PC: variants seen among roughly 807,000 people sequenced by gnomAD.
PC encodes pyruvate carboxylase, also known as pyruvate carboxylase, mitochondrial.
PC carries 46 observed loss-of-function variants against 107.8 expected under a neutral mutation model. The ratio of observed to expected loss-of-function variants is 0.43; its 90% CI spans 0.34 to 0.55. The LOEUF (loss-of-function observed/expected upper bound fraction) is 0.55. Among genes scored for constraint, PC ranks in the 20% least tolerant of loss-of-function variants. PC has a pLI of 0.04. For missense variants in PC, 1,241 were observed against 1,643.1 expected (o/e 0.76, Z 4.23); for synonymous variants, 662 against 684.7 (o/e 0.97, Z 0.52).
Position 66,858,311 on chromosome 11 carries a change from C to T in PC, c.1369-4928G>A, listed in dbSNP as rs745619279. 14 of 1,609,546 alleles carry T rather than the reference C, an allele frequency of 8.7e-6. No individual in the cohort carries two copies. Among genetic ancestry groups the T allele is most frequent in the Middle Eastern group, 1.6e-4 (1 of 6,084 alleles). On this transcript the variant is annotated intron_variant, in intron 12 of 22. Transcript: ENST00000393960. The surrounding 1 kb of genome is among the most constrained non-coding windows in gnomAD (Gnocchi z 5.9). The stretch of plus-strand genomic sequence containing the variant: ...TTGACGCACTGCCCCCAGGCGCCTT[C>T]GCCCAGCTCGGTCAGCTCTCCCGCC...
intron 3 of PC, among the ~76,000 whole-genome samples, chr11:66,931,607 T>C (rs951889673): frequency 1.3e-5 from 2 of 151,378 alleles, no homozygotes; most frequent in African/African-American, 2.4e-5. Flanking sequence ...AAACATGCAA[T>C]GGCACACAGA....
At chr11:66,943,282 A>G (rs894521662) in intron 3 of PC, among the ~76,000 whole-genome samples, 5 of 143,296 alleles carry the variant, frequency 3.5e-5, no homozygotes, top group Non-Finnish European at 6.2e-5. Context: ...GAGTCGGAGG[A>G]AAAAAAAAAA....
intron 3 of PC, among the ~76,000 whole-genome samples, chr11:66,890,429 T>C (rs1330447105): frequency 6.6e-6 from 1 of 151,526 alleles, no homozygotes; most frequent in East Asian, 1.9e-4. Context: ...AGTTTCACTC[T>C]TGTTGCCTGG....
intron 3 of PC, among the ~76,000 whole-genome samples, chr11:66,877,148 C>T (rs943139055): frequency 2.0e-5 from 3 of 152,088 alleles, no homozygotes; most frequent in Admixed American, 2.0e-4. Context: ...CACTTTGGGA[C>T]GCTGAGACAG....
intron 3 of PC, among the ~76,000 whole-genome samples, chr11:66,932,089 C>T (rs1683596548): frequency 6.6e-6 from 1 of 151,980 alleles, no homozygotes; most frequent in African/African-American, 2.4e-5. Context: ...CAGACCACCT[C>T]CAAGAGGACA....
chr11:66,885,455 C>T lies in PC; in HGVS notation c.1-13296G>A, dbSNP rs377674795. The stretch of plus-strand genomic sequence containing the variant: ...GCAGTGAGCCGAGATGGCGCCATTG[C>T]ACTCCAGCCTGGGCAACAGTGAGAC... On this transcript the variant is annotated intron_variant, in intron 3 of 22. Transcript: ENST00000393960. Among the ~76,000 whole-genome samples, 3 of 146,610 alleles carry T rather than the reference C, an allele frequency of 2.0e-5. No homozygotes were observed. The South Asian group carries it at 6.4e-4, about 31-fold the overall frequency.
rs554047692 is a variant in PC at position 66,848,712 on chromosome 11, G to A, written c.*187C>T. 1.7e-5 allele frequency: 12 copies of A among 690,306 alleles called. No homozygotes were observed. Among genetic ancestry groups the A allele is most frequent in the African/African-American group, 1.2e-4 (7 of 56,306 alleles). 42.8% of individuals were successfully genotyped at this position (690,306 alleles called of 1,614,324 possible). ...GAGATGAACATGTAAGCAGCTGTCCGCCGGAGGAAAGGACGATGGCTGAAA... is the reference window on the plus strand; with the variant it reads ...GAGATGAACATGTAAGCAGCTGTCCACCGGAGGAAAGGACGATGGCTGAAA... On this transcript the variant is annotated 3_prime_UTR_variant, in exon 23 of 23. Transcript: ENST00000393960.
At chr11:66,916,382 G>A (rs1478209841) in intron 3 of PC, among the ~76,000 whole-genome samples, 2 of 152,112 alleles carry the variant, frequency 1.3e-5, no homozygotes, top group African/African-American at 2.4e-5. Context: ...CACTGTGACC[G>A]ACCTGCCAAG....
chr11:66,865,212 G>C (rs1003584155), intron 11 of PC, among the ~76,000 whole-genome samples: 11 of 151,038 alleles, frequency 7.3e-5, no homozygotes, highest in Non-Finnish European at 1.5e-4. Flanking sequence ...AGAGAGCTCT[G>C]GTCCCTACCC....
chr11:66,859,505 C>T (rs1386272301), intron 12 of PC: 3 of 1,505,694 alleles, frequency 2.0e-6, no homozygotes, highest in Non-Finnish European at 2.7e-6. Context: ...GCCTGTTCAC[C>T]TTCCTGAGTG....
At position 66,862,309 on chromosome 11, in the gene PC, G is replaced by A. The variant is rs541092995; in HGVS notation, c.1368+1465C>T. Among the ~76,000 whole-genome samples the A allele has an allele frequency of 4.5e-3, 685 of 152,326 alleles. 1 individual carries two copies. Among genetic ancestry groups the A allele is most frequent in the Non-Finnish European group, 7.4e-3 (505 of 68,018 alleles). On this transcript the variant is annotated intron_variant, in intron 12 of 22. Transcript: ENST00000393960. Reference sequence around the variant, plus strand: ...AGGAAGTGCGCTGTTCCCTCTTAAGGTGGGAGACAGGCTGGCCACACACAC... The same window carrying A: ...AGGAAGTGCGCTGTTCCCTCTTAAGATGGGAGACAGGCTGGCCACACACAC...
chr11:66,947,194 C>T (rs1949319329), intron 3 of PC, among the ~76,000 whole-genome samples: 1 of 152,068 alleles, frequency 6.6e-6, no homozygotes, highest in African/African-American at 2.4e-5. Flanking sequence ...CACAAATGTT[C>T]ACAGTAGCTT....
At chr11:66,859,580 G>C in intron 12 of PC, 1 of 1,604,748 alleles carries the variant, frequency 6.2e-7, no homozygotes, top group Non-Finnish European at 8.5e-7. Context: ...GGAGTGGGGA[G>C]GTGAGGATGG....
chr11:66,887,043 G>A (rs1216213816), intron 3 of PC, among the ~76,000 whole-genome samples: 1 of 152,206 alleles, frequency 6.6e-6, no homozygotes, highest in Admixed American at 6.5e-5. Flanking sequence ...GGCTGTTGGG[G>A]AATGTGTGGA....
chr11:66,923,343 C>T (rs1948638135), intron 3 of PC, among the ~76,000 whole-genome samples: 1 of 133,146 alleles, frequency 7.5e-6, no homozygotes, highest in African/African-American at 2.9e-5. Flanking sequence ...GCCTGGGAGA[C>T]AGAGTCTAGC....
rs1946519089 is a variant in PC at position 66,866,800 on chromosome 11, A to T, written c.1023-451T>A. The stretch of plus-strand genomic sequence containing the variant: ...GCACATTCTTGGGGCCATATGTGCT[A>T]TGCTGTGTGGGTGGTTGTGAGGGGG... On this transcript the variant is annotated intron_variant, in intron 10 of 22. Coordinates refer to ENST00000393960, the MANE Select transcript of PC (RefSeq NM_001040716.2). This position sits in a 1 kb window ranked among gnomAD's most constrained non-coding sequence, Gnocchi z 5.4. 6.6e-6 allele frequency among the ~76,000 whole-genome samples: 1 copy of T among 152,150 alleles called. No individual in the cohort carries two copies. Among genetic ancestry groups the T allele is most frequent in the Admixed American group, 6.5e-5 (1 of 15,274 alleles).
chr11:66,926,994 T>C, intron 3 of PC, among the ~76,000 whole-genome samples: 1 of 150,838 alleles, frequency 6.6e-6, no homozygotes, highest in Non-Finnish European at 1.5e-5. Flanking sequence ...CTTTTGGCTC[T>C]TTTTTTGTGT....
intron 3 of PC, among the ~76,000 whole-genome samples, chr11:66,897,485 T>C (rs1220378879): frequency 6.6e-6 from 1 of 152,136 alleles, no homozygotes; most frequent in African/African-American, 2.4e-5. Context: ...AGCAGGAGAA[T>C]TGCTTAAACC....
At chr11:66,911,995 T>C (rs1948347977) in intron 3 of PC, among the ~76,000 whole-genome samples, 1 of 151,822 alleles carries the variant, frequency 6.6e-6, no homozygotes, top group African/African-American at 2.4e-5. Flanking sequence ...ATCGCGCCAT[T>C]GCACTCCAGC....
Sources: allele counts gnomAD v4.1 joint callset (sites outside exome capture counted in the v4.1 genomes callset), GRCh38; gene constraint gnomAD v4.1.1; non-coding constraint Gnocchi (gnomAD v3.1); transcripts MANE v1.5; gene names NCBI Gene and HGNC (gene_info 2026-07-23, HGNC 2026-07-21).